EPHX2: variants seen among roughly 807,000 people sequenced by gnomAD.
The protein encoded by EPHX2 is bifunctional epoxide hydrolase 2.
In EPHX2, 74 loss-of-function variants were observed where a neutral mutation model predicts 78.7. That is an observed-to-expected ratio of 0.94 (90% CI 0.78 to 1.14). EPHX2 has a LOEUF of 1.14. Ranked by LOEUF, EPHX2 falls within the 50% of genes most tolerant of loss-of-function variation. EPHX2 has a pLI of 0.00. For missense variants in EPHX2, 715 were observed against 702.5 expected (o/e 1.02, Z -0.20); for synonymous variants, 251 against 255.2 (o/e 0.98, Z 0.16).
At chr8:27,507,480 C>T (rs1814057937) in intron 5 of EPHX2, among the ~76,000 whole-genome samples, 1 of 152,158 alleles carries the variant, frequency 6.6e-6, no homozygotes, top group South Asian at 2.1e-4. Context: ...TGGGGATTAG[C>T]CTGCTCCTCC....
At chr8:27,536,889 G>A (rs777740891) in intron 13 of EPHX2, 34 bp downstream of exon 13, 15 of 1,611,450 alleles carry the variant, frequency 9.3e-6, no homozygotes, top group African/African-American at 8.0e-5. Context: ...AAGAACAGGA[G>A]GGGGCAGTTG....
chr8:27,538,057 C>T (rs911096586), intron 13 of EPHX2, among the ~76,000 whole-genome samples: 2 of 152,348 alleles, frequency 1.3e-5, no homozygotes, highest in South Asian at 2.1e-4. Context: ...GTTTACTTCA[C>T]ACCTTGAGAG....
chr8:27,523,434 G>A (rs1227896352), intron 11 of EPHX2, among the ~76,000 whole-genome samples: 1 of 152,192 alleles, frequency 6.6e-6, no homozygotes, highest in Non-Finnish European at 1.5e-5. Context: ...TTGAGCTGGT[G>A]AGCTGCAGCT....
intron 11 of EPHX2, among the ~76,000 whole-genome samples, chr8:27,523,343 T>A (rs1359442351): frequency 6.6e-6 from 1 of 152,240 alleles, no homozygotes; most frequent in Non-Finnish European, 1.5e-5. Flanking sequence ...TAATCATTCT[T>A]AGACCAGCAT....
intron 13 of EPHX2, among the ~76,000 whole-genome samples, chr8:27,537,414 A>G (rs1815248432): frequency 6.6e-6 from 1 of 152,186 alleles, no homozygotes; most frequent in South Asian, 2.1e-4. Flanking sequence ...GTGCCTGAAG[A>G]CATCTTAATT....
At chr8:27,504,084 CT>C (rs1489560101) in intron 3 of EPHX2, among the ~76,000 whole-genome samples, 1 of 152,158 alleles carries the variant, frequency 6.6e-6, no homozygotes, top group Non-Finnish European at 1.5e-5. Context: ...GAAACAAGGC[CT>C]TTTTAGCAAC....
At chr8:27,542,922 G>A (rs931272236) in intron 16 of EPHX2, among the ~76,000 whole-genome samples, 1 of 152,004 alleles carries the variant, frequency 6.6e-6, no homozygotes, top group South Asian at 2.1e-4. Flanking sequence ...GATGACAGGC[G>A]TGAGCCACTG....
At chr8:27,516,040 G>GC (rs1051270632) in intron 7 of EPHX2, among the ~76,000 whole-genome samples, 4 of 152,210 alleles carry the variant, frequency 2.6e-5, no homozygotes, top group Non-Finnish European at 5.9e-5. Context: ...GACACTCCAT[G>GC]CCCCCTGCTG....
chr8:27,525,347 C>T lies in EPHX2; in HGVS notation c.1059-15C>T. 6.2e-7 allele frequency: 1 copy of T among 1,612,212 alleles called. No homozygotes were observed. On this transcript the variant is annotated splice_polypyrimidine_tract_variant and intron_variant, in intron 11 of 18. Transcript: ENST00000521400. ...TCTTACAGGGGCTATGTCTTGCTGC[C>T]TCTTATTTCTGTAGGGCGGTGGCCA... is the stretch of plus-strand genomic sequence containing the variant.
chr8:27,505,157 A>G lies in EPHX2; in HGVS notation c.537+11A>G, dbSNP rs1168219489. On this transcript the variant is annotated intron_variant, in intron 4 of 18. Transcript: ENST00000521400. ...GCCAGCCCCAGTGAGGTACGGAGAC[A>G]CTTCCTTATGGCAGAGAAGGATGTT... 1 of 1,613,694 alleles carries G rather than the reference A, an allele frequency of 6.2e-7. No homozygotes were observed. Among genetic ancestry groups the G allele is most frequent in the African/African-American group, 1.3e-5 (1 of 75,018 alleles).
At chr8:27,527,081 A>G (rs1430935417) in intron 12 of EPHX2, among the ~76,000 whole-genome samples, 1 of 152,146 alleles carries the variant, frequency 6.6e-6, no homozygotes, top group African/African-American at 2.4e-5. Flanking sequence ...AGCTGGGTCT[A>G]AGGTGCATGC....
intron 5 of EPHX2, among the ~76,000 whole-genome samples, chr8:27,511,074 A>G (rs1350210237): frequency 1.3e-5 from 2 of 152,228 alleles, no homozygotes; most frequent in Non-Finnish European, 2.9e-5. Flanking sequence ...GAGAGGCCTC[A>G]GGAGAAACCA....
chr8:27,540,671 G>A lies in EPHX2; in HGVS notation c.1379+15G>A, dbSNP rs752382445. ...TCTGGTTTCAGGTAAAGAGAGCACA[G>A]GGCCCAGACACAGATGAGAGATGAT... On this transcript the variant is annotated intron_variant, in intron 15 of 18. Transcript: ENST00000521400. 7 of 1,609,582 alleles carry A rather than the reference G, an allele frequency of 4.3e-6. 1 individual carries two copies. In the East Asian group the frequency reaches 1.1e-4, roughly 26 times the overall value.
At chr8:27,526,210 C>T (rs72475901) in intron 12 of EPHX2, among the ~76,000 whole-genome samples, 18 of 152,346 alleles carry the variant, frequency 1.2e-4, no homozygotes, top group South Asian at 6.2e-4. Context: ...TAGGAGGGAC[C>T]GTTTCCAGCA....
intron 14 of EPHX2, chr8:27,538,965 C>A: frequency 6.4e-6 from 3 of 470,606 alleles, no homozygotes; most frequent in South Asian, 5.6e-5. Context: ...CAAAATCCAC[C>A]CTCTACTGAT....
rs1814426378 is a variant in EPHX2, at chr8:27,515,784, C to A, written c.802C>A (p.Pro268Thr). ...GPAVCLCHGF[P>T]ESWYSWRYQI... The stretch of plus-strand genomic sequence containing the variant: ...TGCTGTGTGCCTCTGCCATGGATTT[C>A]CCGAGAGTTGGTATTCTTGGAGGTA... The change falls in exon 7 of 19, where the codon CCC becomes ACC. Residue 268 changes from proline (P) to threonine (T), a missense_variant. Pro to Thr is a conservative substitution (Grantham distance 38, BLOSUM62 -1). Coordinates refer to ENST00000521400, the MANE Select transcript of EPHX2 (RefSeq NM_001979.6). 2 of 1,614,026 alleles carry A rather than the reference C, an allele frequency of 1.2e-6. No homozygotes were observed. Among genetic ancestry groups the A allele is most frequent in the East Asian group, 4.5e-5 (2 of 44,868 alleles).
chr8:27,517,409 C>G (rs180861043), intron 8 of EPHX2, among the ~76,000 whole-genome samples: 417 of 152,264 alleles, frequency 2.7e-3, no homozygotes, highest in Non-Finnish European at 4.4e-3. Context: ...TATGGACCCA[C>G]AAAAGACTGC....
Position 27,544,684 on chromosome 8 carries a change from A to C in EPHX2, c.*162A>C. On this transcript the variant is annotated 3_prime_UTR_variant, in exon 19 of 19. Transcript: ENST00000521400. ...AGATTTTCTTTACATAAAGTGAATCAAATTTGACATTATTTTAGATCCCAG... is the reference window on the plus strand; with the variant it reads ...AGATTTTCTTTACATAAAGTGAATCCAATTTGACATTATTTTAGATCCCAG... 1.5e-6 allele frequency: 1 copy of C among 678,294 alleles called. No homozygotes were observed. The highest frequency in any genetic ancestry group is 1.9e-5 in the South Asian group (1 of 52,976). 42.0% of individuals were successfully genotyped at this position (678,294 alleles called of 1,614,324 possible).
intron 1 of EPHX2, among the ~76,000 whole-genome samples, chr8:27,494,715 G>A (rs867155481): frequency 7.9e-5 from 12 of 152,360 alleles, no homozygotes; most frequent in African/African-American, 2.6e-4. Flanking sequence ...TGGATGGTCT[G>A]AAGGAGATTT....
Sources: allele counts gnomAD v4.1 joint callset (sites outside exome capture counted in the v4.1 genomes callset), GRCh38; gene constraint gnomAD v4.1.1; transcripts MANE v1.5; gene names NCBI Gene and HGNC (gene_info 2026-07-23, HGNC 2026-07-21).